Variants in XXYLT1 observed in about 807,000 individuals in gnomAD.
The protein encoded by XXYLT1 is UDP-xylose:alpha-xyloside alpha-1,3-xylosyltransferase.
Under a neutral mutation model 28.9 loss-of-function variants are expected in XXYLT1, and 20 were observed. The ratio of observed to expected loss-of-function variants is 0.69; its 90% CI spans 0.49 to 1.00. The LOEUF (loss-of-function observed/expected upper bound fraction) is 1.00. Among genes scored for constraint, XXYLT1 ranks in the 50% least tolerant of loss-of-function variants. XXYLT1 has a pLI of 0.00. For missense variants in XXYLT1, 542 were observed against 560.1 expected (o/e 0.97, Z 0.33); for synonymous variants, 257 against 253.8 (o/e 1.01, Z -0.12).
intron 2 of XXYLT1, among the ~76,000 whole-genome samples, chr3:195,164,322 C>T (rs189378252): frequency 2.6e-5 from 4 of 152,326 alleles, no homozygotes; most frequent in South Asian, 2.1e-4. Flanking sequence ...GCAGTGGAGC[C>T]GCTGCTGTGT....
intron 1 of XXYLT1, among the ~76,000 whole-genome samples, chr3:195,267,990 C>G (rs1725895124): frequency 6.6e-6 from 1 of 152,072 alleles, no homozygotes; most frequent in Non-Finnish European, 1.5e-5. Flanking sequence ...AATATGAACT[C>G]AAAAATCATG....
At chr3:195,207,159 C>T (rs1723108370) in intron 2 of XXYLT1, among the ~76,000 whole-genome samples, 1 of 152,162 alleles carries the variant, frequency 6.6e-6, no homozygotes, top group Non-Finnish European at 1.5e-5. Flanking sequence ...TGGGATGGCT[C>T]GCGGGTCTGA....
intron 3 of XXYLT1, among the ~76,000 whole-genome samples, chr3:195,143,806 A>ATATATTTTTTTTTTTTTT (rs1227771357): frequency 1.2e-5 from 1 of 80,334 alleles, no homozygotes; most frequent in Non-Finnish European, 2.5e-5. Flanking sequence ...ATATAGATAG[A>ATATATTTTTTTTTTTTTT]TATATATAGA....
At chr3:195,113,143 A>G (rs1256044545) in intron 3 of XXYLT1, among the ~76,000 whole-genome samples, 2 of 152,322 alleles carry the variant, frequency 1.3e-5, no homozygotes, top group Non-Finnish European at 1.5e-5. Context: ...GCCTGGCAAG[A>G]GCCACTCCTT....
chr3:195,270,302 T>C, intron 1 of XXYLT1: 1 of 880,050 alleles, frequency 1.1e-6, no homozygotes, highest in Non-Finnish European at 1.6e-6. Flanking sequence ...GGGGCTGCGC[T>C]TAACTGGGGG....
chr3:195,269,379 C>T (rs1338221581), intron 1 of XXYLT1, among the ~76,000 whole-genome samples: 1 of 152,186 alleles, frequency 6.6e-6, no homozygotes, highest in Non-Finnish European at 1.5e-5. Flanking sequence ...GGTCTAGGGA[C>T]TTTCTCAGGA....
At chr3:195,081,389 G>A (rs1279162529) in intron 3 of XXYLT1, among the ~76,000 whole-genome samples, 2 of 152,182 alleles carry the variant, frequency 1.3e-5, no homozygotes, top group Admixed American at 6.5e-5. Flanking sequence ...AGCAGGGCCC[G>A]GGGACAGGCT....
intron 2 of XXYLT1, among the ~76,000 whole-genome samples, chr3:195,214,064 A>G (rs1723450465): frequency 6.6e-6 from 1 of 152,196 alleles, no homozygotes; most frequent in Admixed American, 6.5e-5. Flanking sequence ...ACCAGGTTAG[A>G]GAATGTGGCT....
At chr3:195,091,437 T>C (rs1311378313) in intron 3 of XXYLT1, among the ~76,000 whole-genome samples, 1 of 101,660 alleles carries the variant, frequency 9.8e-6, no homozygotes, top group African/African-American at 5.4e-5. Context: ...CACATGATTA[T>C]CTCAATAGAT....
chr3:195,070,077 G>C lies in XXYLT1; in HGVS notation c.820C>G (p.Gln274Glu), dbSNP rs1337507734. The change falls in exon 4 of 4, where the codon CAG becomes GAG. Residue 274 changes from glutamine to glutamate, a missense_variant. Physicochemically the swap from Gln to Glu is conservative, Grantham distance 29. Transcript: ENST00000310380. ...GGGGGCGGGCCCCCAACCCGGGTCT[G>C]GGGGTTCTCATGGCGGAACTGCCAG... is the stretch of plus-strand genomic sequence containing the variant. ...TFWQFRHENP[Q>E]TRVGGPPPEG... The C allele has an allele frequency of 1.9e-6, 3 of 1,586,440 alleles. No homozygotes were observed. Among genetic ancestry groups the C allele is most frequent in the East Asian group, 4.5e-5 (2 of 44,788 alleles).
intron 3 of XXYLT1, among the ~76,000 whole-genome samples, chr3:195,088,171 G>C (rs1420382776): frequency 1.3e-5 from 2 of 151,668 alleles, no homozygotes; most frequent in Non-Finnish European, 2.9e-5. Flanking sequence ...CTCGAACTGG[G>C]TGGAGCCCAC....
At chr3:195,192,773 G>A (rs1722478677) in intron 2 of XXYLT1, among the ~76,000 whole-genome samples, 2 of 151,934 alleles carry the variant, frequency 1.3e-5, no homozygotes, top group South Asian at 4.2e-4. Flanking sequence ...AGTGGAATAA[G>A]GCAAAAAATA....
intron 3 of XXYLT1, among the ~76,000 whole-genome samples, chr3:195,088,851 A>G (rs1423471945): frequency 6.8e-6 from 1 of 146,318 alleles, no homozygotes; most frequent in Non-Finnish European, 1.5e-5. Flanking sequence ...GGAGCTGAAA[A>G]CCAAGGCTCG....
chr3:195,196,118 C>T (rs181853223), intron 2 of XXYLT1, among the ~76,000 whole-genome samples: 73 of 152,362 alleles, frequency 4.8e-4, no homozygotes, highest in African/African-American at 1.6e-3. Context: ...AAACGCTCCG[C>T]ACCCGCACTG....
intron 3 of XXYLT1, among the ~76,000 whole-genome samples, chr3:195,097,435 C>T (rs1409894437): frequency 4.6e-5 from 7 of 152,332 alleles, no homozygotes; most frequent in East Asian, 1.9e-4. Flanking sequence ...CGTATCAACA[C>T]GTAGCTAGCA....
chr3:195,125,333 G>A (rs375926253), intron 3 of XXYLT1, among the ~76,000 whole-genome samples: 77 of 152,366 alleles, frequency 5.1e-4, no homozygotes, highest in Middle Eastern at 6.8e-3. Flanking sequence ...GGAAGCCTGG[G>A]GCCTGGGCCT....
At position 195,252,021 on chromosome 3, in the gene XXYLT1, C is replaced by A. The variant is rs182043121; in HGVS notation, c.504+18534G>T. Among the ~76,000 whole-genome samples, 424 of 152,310 alleles carry A rather than the reference C, an allele frequency of 2.8e-3. 1 individual carries two copies. Among genetic ancestry groups the A allele is most frequent in the African/African-American group, 9.7e-3 (404 of 41,576 alleles). ...GGTCCACCCACAATAAAATACTACA[C>A]AGCAATTAAAATGACAGGGCAAGAC... is the stretch of plus-strand genomic sequence containing the variant. On this transcript the variant is annotated intron_variant, in intron 1 of 3. Coordinates refer to ENST00000310380, the MANE Select transcript of XXYLT1 (RefSeq NM_152531.5).
intron 3 of XXYLT1, among the ~76,000 whole-genome samples, chr3:195,154,659 C>T (rs1294581285): frequency 6.6e-6 from 1 of 152,196 alleles, no homozygotes; most frequent in Non-Finnish European, 1.5e-5. Context: ...ACGCAAACCC[C>T]AGAACCACGC....
intron 3 of XXYLT1, among the ~76,000 whole-genome samples, chr3:195,083,909 C>T (rs944634611): frequency 3.9e-5 from 6 of 152,056 alleles, no homozygotes; most frequent in African/African-American, 1.2e-4. Context: ...ACCCGTAGTC[C>T]CAGCTCCTCA....
Sources: gnomAD v4.1 joint callset for allele counts (sites outside exome capture counted in the v4.1 genomes callset) on GRCh38, gnomAD v4.1.1 for gene constraint, MANE v1.5 for transcripts, NCBI Gene and HGNC (gene_info 2026-07-23, HGNC 2026-07-21) for gene names.